Variants in DIS3L2 observed in about 807,000 individuals in gnomAD.
The protein encoded by DIS3L2 is DIS3 like 3'-5' exoribonuclease 2, also known as DIS3-like exonuclease 2.
A neutral mutation model predicts 97.5 loss-of-function variants in DIS3L2; 34 were observed. The observed-to-expected ratio is 0.35, with a 90% CI of 0.27 to 0.46. DIS3L2 has a LOEUF of 0.46. Ranked by LOEUF, DIS3L2 falls within the 20% of genes least tolerant of loss-of-function variation. DIS3L2 has a pLI of 1.00. For synonymous variants in DIS3L2, 435 were observed against 445.2 expected (o/e 0.98, Z 0.29); for missense variants, 1,038 against 1,146.0 (o/e 0.91, Z 1.36).
intron 9 of DIS3L2, among the ~76,000 whole-genome samples, chr2:232,197,232 C>T (rs1209758800): frequency 1.3e-5 from 2 of 152,154 alleles, no homozygotes; most frequent in African/African-American, 4.8e-5. Flanking sequence ...TAAATGCTGT[C>T]ATTTACCCCA....
chr2:232,237,515 G>A (rs994418152), intron 10 of DIS3L2, among the ~76,000 whole-genome samples: 1 of 152,150 alleles, frequency 6.6e-6, no homozygotes, highest in Admixed American at 6.5e-5. Flanking sequence ...TACACAAAAG[G>A]CCTTATTTGC....
intron 5 of DIS3L2, among the ~76,000 whole-genome samples, chr2:232,080,920 T>G (rs76748048): frequency 7.9e-6 from 1 of 126,146 alleles, no homozygotes; most frequent in Admixed American, 7.7e-5. Context: ...AAAAAAAAAA[T>G]ACAGTTGGTT....
chr2:231,999,561 A>G lies in DIS3L2; in HGVS notation c.-93-15274A>G, dbSNP rs540649145. On this transcript the variant is annotated intron_variant, in intron 1 of 20. Coordinates refer to ENST00000325385, the MANE Select transcript of DIS3L2 (RefSeq NM_152383.5). ...GTAATTTTTTTCTCCAACATTGACA[A>G]ACTTGGCTCGTTATCCACAAGTATT... Among the ~76,000 whole-genome samples, 385 of 152,268 alleles carry G rather than the reference A, an allele frequency of 2.5e-3. 1 individual carries two copies. The highest frequency in any genetic ancestry group is 4.5e-3 in the Non-Finnish European group (309 of 68,024).
At chr2:231,986,049 G>A (rs1326668944) in intron 1 of DIS3L2, among the ~76,000 whole-genome samples, 1 of 152,196 alleles carries the variant, frequency 6.6e-6, no homozygotes, top group East Asian at 1.9e-4. Context: ...TCCGCTCCTG[G>A]TGCCCTTGGA....
At chr2:232,137,463 C>T (rs1462134748) in intron 8 of DIS3L2, among the ~76,000 whole-genome samples, 1 of 152,168 alleles carries the variant, frequency 6.6e-6, no homozygotes, top group Admixed American at 6.5e-5. Flanking sequence ...CAGGAAATGA[C>T]TATAAAGGTA....
intron 16 of DIS3L2, chr2:232,331,960 C>G (rs1182507460): frequency 6.6e-6 from 1 of 152,360 alleles, no homozygotes. Context: ...GCCCCGGGAA[C>G]TGGGGTGGGG....
chr2:232,052,449 C>T (rs1442770407), intron 5 of DIS3L2, among the ~76,000 whole-genome samples: 1 of 152,156 alleles, frequency 6.6e-6, no homozygotes, highest in Non-Finnish European at 1.5e-5. Flanking sequence ...TCAGTTAGTA[C>T]CAGCTCAGAC....
chr2:232,285,273 G>C (rs1181389807), intron 13 of DIS3L2, among the ~76,000 whole-genome samples: 1 of 152,178 alleles, frequency 6.6e-6, no homozygotes, highest in East Asian at 1.9e-4. Flanking sequence ...GAATTGAAAA[G>C]GTGAAGCCAA....
At chr2:232,265,230 A>G (rs1468366810) in intron 13 of DIS3L2, among the ~76,000 whole-genome samples, 1 of 152,130 alleles carries the variant, frequency 6.6e-6, no homozygotes, top group African/African-American at 2.4e-5. Flanking sequence ...ATCTCCAGTA[A>G]TGTCCTGCTG....
chr2:232,304,913 A>G (rs887243917), intron 14 of DIS3L2, among the ~76,000 whole-genome samples: 2 of 152,106 alleles, frequency 1.3e-5, no homozygotes, highest in Non-Finnish European at 2.9e-5. Flanking sequence ...AACTTGTTAG[A>G]AACCATCTTA....
chr2:232,305,371 C>T (rs1050231877), intron 14 of DIS3L2, among the ~76,000 whole-genome samples: 18 of 152,198 alleles, frequency 1.2e-4, no homozygotes, highest in African/African-American at 4.3e-4. Flanking sequence ...AGCCACCACG[C>T]CTGTCCTCAT....
intron 10 of DIS3L2, among the ~76,000 whole-genome samples, chr2:232,226,855 G>C (rs920225655): frequency 2.8e-4 from 42 of 152,176 alleles, no homozygotes; most frequent in African/African-American, 9.4e-4. Flanking sequence ...TGTAGTCTCA[G>C]CTGCTCAGGA....
chr2:232,148,378 C>T (rs1293052812), intron 8 of DIS3L2, among the ~76,000 whole-genome samples: 1 of 152,030 alleles, frequency 6.6e-6, no homozygotes, highest in Non-Finnish European at 1.5e-5. Context: ...CATCTAAGGC[C>T]CCCAAAGCAT....
intron 1 of DIS3L2, among the ~76,000 whole-genome samples, chr2:231,975,963 T>A (rs1693078710): frequency 6.6e-6 from 1 of 152,038 alleles, no homozygotes; most frequent in Admixed American, 6.6e-5. Context: ...TCTCTTTTTC[T>A]CTCCTCTTTC....
At chr2:231,964,741 T>A (rs533618409) in intron 1 of DIS3L2, among the ~76,000 whole-genome samples, 3 of 152,324 alleles carry the variant, frequency 2.0e-5, no homozygotes, top group Non-Finnish European at 4.4e-5. Context: ...CATTATACAC[T>A]TTAAAGGATA....
chr2:232,343,320 C>T (rs1024940334), intron 13 of DIS3L2: 6 of 1,547,112 alleles, frequency 3.9e-6, no homozygotes, highest in Non-Finnish European at 5.3e-6. Flanking sequence ...GCCTCCTCAT[C>T]CAGGAGACAC....
At position 232,303,672 on chromosome 2, in the gene DIS3L2, C is replaced by T. The variant is rs1575005789; in HGVS notation, c.1739+3553C>T. Among the ~76,000 whole-genome samples, 7 of 151,008 alleles carry T rather than the reference C, an allele frequency of 4.6e-5. No homozygotes were observed. In the South Asian group the frequency reaches 1.2e-3, roughly 27 times the overall value. ...GTCTTTCCTTTCAAATGGAATGGCCCGGAAAATGGGCACTCCATTTTTATA... is the reference window on the plus strand; with the variant it reads ...GTCTTTCCTTTCAAATGGAATGGCCTGGAAAATGGGCACTCCATTTTTATA... On this transcript the variant is annotated intron_variant, in intron 14 of 20. Coordinates refer to ENST00000325385, the MANE Select transcript of DIS3L2 (RefSeq NM_152383.5).
chr2:232,210,205 A>G (rs1692148541), intron 9 of DIS3L2, 121 bp from the exon 10 acceptor site: 8 of 714,296 alleles, frequency 1.1e-5, no homozygotes, highest in Non-Finnish European at 2.0e-5. Context: ...CGTAGAAGTT[A>G]TTTTTCACTT....
At chr2:232,301,886 C>T (rs1184544871) in intron 14 of DIS3L2, among the ~76,000 whole-genome samples, 1 of 140,282 alleles carries the variant, frequency 7.1e-6, no homozygotes, top group African/African-American at 2.7e-5. Context: ...ATGATGTTCC[C>T]TAGGCTGGTC....
Sources: gnomAD v4.1 joint callset for allele counts (sites outside exome capture counted in the v4.1 genomes callset) on GRCh38, gnomAD v4.1.1 for gene constraint, MANE v1.5 for transcripts, NCBI Gene and HGNC (gene_info 2026-07-23, HGNC 2026-07-21) for gene names.